The following DGKK variants were observed in gnomAD, a reference collection of about 807,000 sequenced individuals.
DGKK encodes the protein 142 kDa diacylglycerol kinase.
DGKK carries 35 observed loss-of-function variants against 92.2 expected under a neutral mutation model. That is an observed-to-expected ratio of 0.38 (90% CI 0.29 to 0.50). DGKK has a LOEUF of 0.50. Among genes scored for constraint, DGKK ranks in the 20% least tolerant of loss-of-function variants. The pLI, the probability that DGKK is intolerant of heterozygous loss-of-function variation, is 0.92. For synonymous variants in DGKK, 368 were observed against 360.6 expected (o/e 1.02, Z -0.23); for missense variants, 910 against 992.2 (o/e 0.92, Z 1.11).
intron 1 of DGKK, among the ~76,000 whole-genome samples, chrX:50,449,124 G>T (rs1443441704): frequency 2.7e-5 from 3 of 111,526 alleles, no homozygotes; most frequent in Non-Finnish European, 5.7e-5. Flanking sequence ...TCAAGCTCTG[G>T]AATGACAGTT....
At chrX:50,375,262 G>T (rs782317882) in intron 24 of DGKK, among the ~76,000 whole-genome samples, 2 of 111,850 alleles carry the variant, frequency 1.8e-5, no homozygotes, top group East Asian at 5.6e-4. Flanking sequence ...ACAACTGCTG[G>T]TACAGTAGTT....
At chrX:50,378,802 A>G in intron 20 of DGKK, 111 bp from the exon 21 acceptor site, 3 of 552,195 alleles carry the variant, frequency 5.4e-6, no homozygotes, top group Non-Finnish European at 6.0e-6. Context: ...GCTCATGAAG[A>G]GTGGAAACAC....
intron 5 of DGKK, 126 bp downstream of exon 5, chrX:50,403,923 A>T: frequency 1.2e-6 from 1 of 850,657 alleles, no homozygotes; most frequent in Admixed American, 3.6e-5. Flanking sequence ...TTCTTTCCTC[A>T]ATCAGGGTTA....
At chrX:50,446,245 C>G (rs1330035492) in intron 1 of DGKK, among the ~76,000 whole-genome samples, 1 of 111,266 alleles carries the variant, frequency 9.0e-6, no homozygotes, top group Non-Finnish European at 1.9e-5. Context: ...GTCTGACTTC[C>G]TCTCTTCCTA....
chrX:50,414,793 A>G (rs974004327), intron 4 of DGKK, among the ~76,000 whole-genome samples: 1 of 112,070 alleles, frequency 8.9e-6, no homozygotes, highest in Non-Finnish European at 1.9e-5. Flanking sequence ...AGACTTAATT[A>G]GCTATCTCTA....
At chrX:50,419,465 C>T (rs781952043) in intron 4 of DGKK, among the ~76,000 whole-genome samples, 1 of 111,945 alleles carries the variant, frequency 8.9e-6, no homozygotes, top group African/African-American at 3.2e-5. Flanking sequence ...CAATCTTCTA[C>T]CCATTGCTAG....
chrX:50,450,956 A>G (rs1278398004), intron 1 of DGKK, among the ~76,000 whole-genome samples: 1 of 111,625 alleles, frequency 9.0e-6, no homozygotes, highest in Non-Finnish European at 1.9e-5. Flanking sequence ...TCTTATGGAT[A>G]TAAATCCATG....
At chrX:50,444,036 T>G (rs1203892861) in intron 1 of DGKK, among the ~76,000 whole-genome samples, 2 of 111,488 alleles carry the variant, frequency 1.8e-5, no homozygotes, top group Non-Finnish European at 3.8e-5. Flanking sequence ...CTGAGTAGTA[T>G]TCCATGATAA....
At chrX:50,393,120 T>C (rs782819885) in intron 9 of DGKK, 32 bp downstream of exon 9, 10 of 1,136,310 alleles carry the variant, frequency 8.8e-6, no homozygotes, top group Middle Eastern at 2.4e-4. Context: ...CTCCCTTACA[T>C]ACCCAATCAT....
chrX:50,470,269 G>A lies in DGKK; in HGVS notation c.410C>T (p.Pro137Leu). ...AACTTCTGGAGTCAGCTCTGGGGCC[G>A]GCTCTGGGACCGACTCTAGGGCAGG... is the stretch of plus-strand genomic sequence containing the variant. The part of the protein sequence containing the change: ...PEPALESVPE[P>L]APELTPEVAP... Residue 137 changes from proline (P) to leucine (L), a missense_variant, in exon 1 of 28, where the codon CCG (proline) becomes CTG (leucine). Transcript: ENST00000611977. The A allele has an allele frequency of 6.6e-6, 8 of 1,208,903 alleles. No individual in the cohort carries two copies. Among genetic ancestry groups the A allele is most frequent in the Non-Finnish European group, 8.9e-6 (8 of 894,132 alleles).
intron 4 of DGKK, among the ~76,000 whole-genome samples, chrX:50,414,227 T>A (rs1213760293): frequency 1.8e-5 from 2 of 111,509 alleles, no homozygotes; most frequent in Non-Finnish European, 3.8e-5. Context: ...TATCAAAGGG[T>A]ACAAAGTTTC....
chrX:50,392,526 A>C, intron 9 of DGKK, 77 bp from the exon 10 acceptor site: 1 of 813,250 alleles, frequency 1.2e-6, no homozygotes, highest in South Asian at 2.3e-5. Context: ...GTGTCAGGAC[A>C]CAAGGATTGC....
intron 1 of DGKK, among the ~76,000 whole-genome samples, chrX:50,428,965 A>C (rs1394079324): frequency 3.6e-5 from 4 of 112,191 alleles, no homozygotes; most frequent in African/African-American, 1.3e-4. Flanking sequence ...CATGTAAAAC[A>C]ATCTTTACCC....
In DGKK at chrX:50,388,521, A is replaced by T. The variant is rs61752353; in HGVS notation, c.2018+6T>A. On this transcript the variant is annotated splice_donor_region_variant and intron_variant, in intron 13 of 27. Transcript: ENST00000611977. ...CCCAAAGGATGAGAGCCAAAGGAAG[A>T]CTGACCTGGTTGCGATGATCATCTC... The T allele has an allele frequency of 2.3e-5, 28 of 1,196,181 alleles. No individual in the cohort carries two copies. Among genetic ancestry groups the T allele is most frequent in the Admixed American group, 4.4e-5 (2 of 45,350 alleles).
chrX:50,405,283 C>CA (rs1925121375), intron 4 of DGKK, among the ~76,000 whole-genome samples: 1 of 110,251 alleles, frequency 9.1e-6, no homozygotes, highest in African/African-American at 3.3e-5. Flanking sequence ...AAGGGTATAC[C>CA]AGCAACAGTT....
intron 1 of DGKK, among the ~76,000 whole-genome samples, chrX:50,449,930 C>G (rs149562186): frequency 9.0e-6 from 1 of 110,906 alleles, no homozygotes; most frequent in Non-Finnish European, 1.9e-5. Flanking sequence ...TAGCCTTCTG[C>G]GAGATGGACT....
At chrX:50,389,638 T>G (rs2147123698) in intron 12 of DGKK, among the ~76,000 whole-genome samples, 1 of 111,940 alleles carries the variant, frequency 8.9e-6, no homozygotes, top group Non-Finnish European at 1.9e-5. Context: ...AATCCAAACT[T>G]CCTACTGTGG....
chrX:50,469,961 G>A, intron 1 of DGKK, 73 bp downstream of exon 1: 2 of 1,119,413 alleles, frequency 1.8e-6, no homozygotes, highest in Non-Finnish European at 2.4e-6. Flanking sequence ...GGGGTACCCG[G>A]AGTCCCGCGG....
intron 8 of DGKK, among the ~76,000 whole-genome samples, chrX:50,396,770 T>C (rs1557226161): frequency 8.9e-6 from 1 of 111,884 alleles, no homozygotes; most frequent in African/African-American, 3.3e-5. Context: ...GTGACAAAGA[T>C]GGGTGCCACT....
Sources: gnomAD v4.1 joint callset for allele counts (sites outside exome capture counted in the v4.1 genomes callset) on GRCh38, gnomAD v4.1.1 for gene constraint, MANE v1.5 for transcripts, NCBI Gene and HGNC (gene_info 2026-07-23, HGNC 2026-07-21) for gene names.